COL6A1: variants seen among roughly 807,000 people sequenced by gnomAD.
COL6A1 encodes the protein collagen type VI alpha 1 chain.
In COL6A1, 80 loss-of-function variants were observed where a neutral mutation model predicts 145.6. The observed-to-expected ratio is 0.55, with a 90% CI of 0.46 to 0.66. COL6A1 has a LOEUF of 0.66. COL6A1 is among the 30% of genes least tolerant of loss of function. The pLI is 0.00. For synonymous variants in COL6A1, 638 were observed against 622.8 expected (o/e 1.02, Z -0.36); for missense variants, 1,364 against 1,473.8 (o/e 0.93, Z 1.22).
intron 26 of COL6A1, 155 bp downstream of exon 26, chr21:45,999,373 C>T: frequency 1.2e-6 from 1 of 825,460 alleles, no homozygotes; most frequent in Non-Finnish European, 2.0e-6. Context: ...GTGGGAGGTG[C>T]CGGTCACCAG....
chr21:45,992,606 A>G (rs1450911080), intron 18 of COL6A1, 142 bp from the exon 19 acceptor site: 66 of 1,048,894 alleles, frequency 6.3e-5, no homozygotes, highest in Non-Finnish European at 9.1e-5. Flanking sequence ...CGGCCTCTGC[A>G]ACCGTGGGGC....
intron 16 of COL6A1, 26 bp downstream of exon 16, chr21:45,992,098 A>C (rs1032969172): frequency 4.3e-6 from 7 of 1,613,344 alleles, no homozygotes; most frequent in Non-Finnish European, 1.7e-6. Context: ...GCCCCCACAC[A>C]TGCCAGGTAT....
intron 8 of COL6A1, among the ~76,000 whole-genome samples, chr21:45,988,479 G>T (rs1380413883): frequency 6.7e-6 from 1 of 149,808 alleles, no homozygotes; most frequent in African/African-American, 2.5e-5. Flanking sequence ...GGTCCAGATG[G>T]AAGGGACGGC....
chr21:45,999,488 C>A, intron 26 of COL6A1, 169 bp from the exon 27 acceptor site: 1 of 833,540 alleles, frequency 1.2e-6, no homozygotes, highest in South Asian at 1.5e-5. Context: ...GTGCGAAGCC[C>A]CAGCTGCCCT....
chr21:45,986,378 T>C, intron 3 of COL6A1, 148 bp from the exon 4 acceptor site: 1 of 737,336 alleles, frequency 1.4e-6, no homozygotes, highest in Admixed American at 2.7e-5. Flanking sequence ...TGAGGTTCTT[T>C]TCAGTAACCC....
intron 34 of COL6A1, 95 bp downstream of exon 34, chr21:46,003,244 G>C (rs368350555): frequency 6.2e-7 from 1 of 1,605,954 alleles, no homozygotes. Flanking sequence ...AGGGCCTGGC[G>C]GTCACGAGAG....
chr21:45,995,206 C>T (rs2077798203), intron 20 of COL6A1, among the ~76,000 whole-genome samples: 1 of 152,250 alleles, frequency 6.6e-6, no homozygotes, highest in Admixed American at 6.5e-5. Flanking sequence ...GGCCGTTCGT[C>T]CACCTGGTCC....
At chr21:46,000,453 G>A in intron 28 of COL6A1, 86 bp downstream of exon 28, 3 of 1,495,344 alleles carry the variant, frequency 2.0e-6, no homozygotes, top group Non-Finnish European at 2.8e-6. Flanking sequence ...TGTCTCCACT[G>A]TTGGGGGCCT....
In COL6A1 at chr21:45,986,528, G is replaced by A. The variant is rs1357161740; in HGVS notation, c.431G>A (p.Gly144Asp). ...KKGLEQLLVG[G>D]SHLKENKYLI... ...TCACGCTGCCCTCTCCTGTCCAGGG[G>A]CTCCCACCTGAAGGAGAATAAGTAC... Residue 144 changes from glycine (G) to aspartate (D), a missense_variant and splice_region_variant, in exon 4 of 35, where the codon GGC (glycine) becomes GAC (aspartate). Gly to Asp is a moderately conservative substitution (Grantham distance 94). Around this residue, in one of 3 missense-constraint regions of COL6A1, gnomAD observed 414 missense variants for 437.6 expected, o/e 0.95. Coordinates refer to ENST00000361866, the MANE Select transcript of COL6A1 (RefSeq NM_001848.3). 2.6e-6 allele frequency: 4 copies of A among 1,558,056 alleles called. No individual in the cohort carries two copies. The highest frequency in any genetic ancestry group is 1.4e-5 in the African/African-American group (1 of 73,368).
chr21:45,985,930 C>T (rs987017041), intron 3 of COL6A1, among the ~76,000 whole-genome samples: 1 of 152,182 alleles, frequency 6.6e-6, no homozygotes, highest in East Asian at 1.9e-4. Flanking sequence ...GAGTGCGGCC[C>T]CCTGTGGAAG....
intron 6 of COL6A1, 34 bp from the exon 7 acceptor site, chr21:45,987,464 TC>T: frequency 6.2e-7 from 1 of 1,612,868 alleles, no homozygotes; most frequent in Non-Finnish European, 8.5e-7. Context: ...TCCGTGGCTT[TC>T]CCACTGACTC....
chr21:46,003,190 C>T lies in COL6A1; in HGVS notation c.2464+41C>T, dbSNP rs780995398. 4 of 1,613,668 alleles carry T rather than the reference C, an allele frequency of 2.5e-6. No homozygotes were observed. In the African/African-American group the frequency reaches 5.3e-5, roughly 22 times the overall value. ...GCCGGGACACGTGGGGAGGAGGGCA[C>T]CGTGGTTGGGGCGAGGGCTCTGAGA... On this transcript the variant is annotated intron_variant, in intron 34 of 34. Coordinates refer to ENST00000361866, the MANE Select transcript of COL6A1 (RefSeq NM_001848.3).
At chr21:46,001,889 A>T (rs1351630047) in intron 30 of COL6A1, 72 bp from the exon 31 acceptor site, 4 of 1,364,138 alleles carry the variant, frequency 2.9e-6, no homozygotes, top group African/African-American at 2.8e-5. Context: ...CGCAGCCAAT[A>T]GAGTCACCCT....
intron 30 of COL6A1, 86 bp downstream of exon 30, chr21:46,001,472 C>T (rs1056055310): frequency 6.5e-7 from 1 of 1,541,666 alleles, no homozygotes; most frequent in Non-Finnish European, 8.9e-7. Context: ...ACCTCAGCCT[C>T]CCGAGGCCAC....
chr21:45,992,138 G>T, intron 16 of COL6A1, 26 bp from the exon 17 acceptor site: 1 of 1,613,574 alleles, frequency 6.2e-7, no homozygotes, highest in Non-Finnish European at 8.5e-7. Context: ...GAGATGGAGC[G>T]ACCATTCAAC....
intron 2 of COL6A1, 51 bp from the exon 3 acceptor site, chr21:45,984,218 G>A (rs1432974074): frequency 5.8e-6 from 9 of 1,541,018 alleles, no homozygotes; most frequent in East Asian, 2.4e-5. Flanking sequence ...GACGGGTAGC[G>A]ATGGCGCCAG....
In COL6A1 at chr21:46,004,060, A is replaced by G. The variant is rs773888022; in HGVS notation, c.*47A>G. On this transcript the variant is annotated 3_prime_UTR_variant, in exon 35 of 35. Transcript: ENST00000361866. ...AAACCCTGTCCTCCCACCCCTCCCC[A>G]CTCATCACTAAACAGAGTAAAATGT... The G allele has an allele frequency of 1.9e-6, 3 of 1,604,730 alleles. No homozygotes were observed. The highest frequency in any genetic ancestry group is 2.6e-6 in the Non-Finnish European group (3 of 1,174,728).
At chr21:45,987,386 TG>T (rs1269889297) in intron 6 of COL6A1, 112 bp from the exon 7 acceptor site, 1 of 1,525,706 alleles carries the variant, frequency 6.6e-7, no homozygotes, top group East Asian at 2.3e-5. Flanking sequence ...TGTCCGCCTG[TG>T]CGTCCATCCG....
chr21:45,982,913 G>T, intron 2 of COL6A1, 150 bp downstream of exon 2: 1 of 1,122,856 alleles, frequency 8.9e-7, no homozygotes, highest in East Asian at 2.5e-5. Flanking sequence ...GCGCCCTCCA[G>T]AGTGAGGCCG....
Sources: gnomAD v4.1 joint callset for allele counts (sites outside exome capture counted in the v4.1 genomes callset) on GRCh38, gnomAD v4.1.1 for gene constraint, gnomAD v4.1.1 regional missense constraint, MANE v1.5 for transcripts, NCBI Gene and HGNC (gene_info 2026-07-23, HGNC 2026-07-21) for gene names.